The following ADGRE2 variants were observed in gnomAD, a reference collection of about 807,000 sequenced individuals.
The protein encoded by ADGRE2 is CD97 antigen.
A neutral mutation model predicts 100.8 loss-of-function variants in ADGRE2; 83 were observed. The ratio of observed to expected loss-of-function variants is 0.82; its 90% CI spans 0.69 to 0.99. The LOEUF (loss-of-function observed/expected upper bound fraction) is 0.99. Ranked by LOEUF, ADGRE2 falls within the 50% of genes least tolerant of loss-of-function variation. The probability of loss-of-function intolerance (pLI) is 0.00; values close to 1 mark genes in which losing one functional copy is unlikely to be tolerated. For synonymous variants in ADGRE2, 355 were observed against 413.0 expected (o/e 0.86, Z 1.70); for missense variants, 814 against 1,035.7 (o/e 0.79, Z 2.94).
intron 20 of ADGRE2, among the ~76,000 whole-genome samples, chr19:14,739,155 A>C (rs2042849510): frequency 6.6e-6 from 1 of 151,770 alleles, no homozygotes; most frequent in Non-Finnish European, 1.5e-5. Flanking sequence ...TTTTTAGTAG[A>C]GGTGGGGTCT....
At chr19:14,741,091 G>GTT (rs71333309) in intron 20 of ADGRE2, among the ~76,000 whole-genome samples, 5,804 of 116,550 alleles carry the variant, frequency 0.05, 656 homozygotes, top group African/African-American at 0.18. Flanking sequence ...TGAATAGGCT[G>GTT]TTTTTTTTTT....
intron 6 of ADGRE2, among the ~76,000 whole-genome samples, 171 bp downstream of exon 6, chr19:14,766,807 C>G (rs139370191): frequency 1.2e-4 from 18 of 152,340 alleles, no homozygotes; most frequent in African/African-American, 4.3e-4. Context: ...GCCTCCCTGC[C>G]GTGTGGCGAG....
Position 14,743,530 on chromosome 19 carries a change from C to T in ADGRE2, c.2353G>A (p.Val785Ile), listed in dbSNP as rs1367595735. ...GACCATTTCCCATATTGCTCCCGGA[C>T]CTGCAGAGGCAAAGTGTGTACTGGG... is the stretch of plus-strand genomic sequence containing the variant. ...FLVYCLLSQQ[V>I]REQYGKWSKG... The change falls in exon 20 of 21, where the codon GTC (valine) becomes ATC (isoleucine). Residue 785 changes from valine (V) to isoleucine (I), a missense_variant and splice_region_variant. Physicochemically the swap from Val to Ile is conservative, Grantham distance 29. This residue lies in a region of ADGRE2 where 569 missense variants were observed against 692.7 expected (regional missense o/e 0.82). Transcript: ENST00000315576. 51 of 1,613,984 alleles carry T rather than the reference C, an allele frequency of 3.2e-5. No homozygotes were observed. Among genetic ancestry groups the T allele is most frequent in the Non-Finnish European group, 4.3e-5 (51 of 1,179,868 alleles).
At position 14,746,274 on chromosome 19, in the gene ADGRE2, A is replaced by T; in HGVS notation, c.2141T>A (p.Leu714His). The change falls in exon 18 of 21, where the codon CTC becomes CAC. Residue 714 changes from leucine to histidine, a missense_variant. Physicochemically the swap from Leu to His is moderately conservative, Grantham distance 99 (BLOSUM62 -3). Around this residue, in one of 5 missense-constraint regions of ADGRE2, gnomAD observed 569 missense variants for 692.7 expected, o/e 0.82. Coordinates refer to ENST00000315576, the MANE Select transcript of ADGRE2 (RefSeq NM_013447.4). Reference sequence around the variant, plus strand: ...GGACACTTCACTATTGAGGGAGGAGAGTCTGTTTTTCAAAATCCAGAGAGT... The same window carrying T: ...GGACACTTCACTATTGAGGGAGGAGTGTCTGTTTTTCAAAATCCAGAGAGT... ...LVTLWILKNR[L>H]SSLNSEVSTL... 6.2e-7 allele frequency: 1 copy of T among 1,611,002 alleles called. No homozygotes were observed. The highest frequency in any genetic ancestry group is 8.5e-7 in the Non-Finnish European group (1 of 1,177,586).
intron 18 of ADGRE2, among the ~76,000 whole-genome samples, chr19:14,744,443 ATTATTT>A (rs1441736107): frequency 2.0e-5 from 3 of 151,884 alleles, no homozygotes; most frequent in African/African-American, 7.3e-5. Flanking sequence ...CTGTAGAGGA[ATTATTT>A]TTATTTTTAT....
chr19:14,767,817 C>T (rs1025506959), intron 5 of ADGRE2, among the ~76,000 whole-genome samples: 13 of 152,136 alleles, frequency 8.5e-5, no homozygotes, highest in Admixed American at 6.6e-4. Context: ...ACAGAGCCTT[C>T]CTGTGAATTG....
At chr19:14,775,419 T>C (rs1338094464) in intron 2 of ADGRE2, among the ~76,000 whole-genome samples, 1 of 152,098 alleles carries the variant, frequency 6.6e-6, no homozygotes, top group Non-Finnish European at 1.5e-5. Context: ...CCTCCCTAGC[T>C]TGGCTTGGGG....
At chr19:14,744,581 A>C (rs2043030214) in intron 18 of ADGRE2, among the ~76,000 whole-genome samples, 1 of 150,996 alleles carries the variant, frequency 6.6e-6, no homozygotes, top group Non-Finnish European at 1.5e-5. Context: ...CAGCCTCCTG[A>C]GTAGCTGGGA....
In ADGRE2 at chr19:14,736,044, A is replaced by G; in HGVS notation, c.*192T>C. 1 of 594,792 alleles carries G rather than the reference A, an allele frequency of 1.7e-6. No homozygotes were observed. Among genetic ancestry groups the G allele is most frequent in the Non-Finnish European group, 3.1e-6 (1 of 324,438 alleles). The allele number at this position is 594,792 out of a possible 1,614,324, so 36.8% of individuals were successfully genotyped here. A position where few individuals can be genotyped will look rare whatever the true frequency, so the allele number is the denominator to read the frequency against. ...GCTGAGAGTTTGATGAGCACATTGC[A>G]GGGCATGGAAGATTTCCGGTTTCTG... On this transcript the variant is annotated 3_prime_UTR_variant, in exon 21 of 21. Transcript: ENST00000315576.
In ADGRE2 at chr19:14,746,415, C is replaced by T. The variant is rs1413478820; in HGVS notation, c.2092-92G>A. The T allele has an allele frequency of 3.3e-5, 25 of 759,464 alleles. No individual in the cohort carries two copies. The South Asian group carries it at 4.0e-4, about 12-fold the overall frequency. 47.0% of individuals were successfully genotyped at this position (759,464 alleles called of 1,614,324 possible). A position where few individuals can be genotyped will look rare whatever the true frequency, so the allele number is the denominator to read the frequency against. ...TCAGACAGGGTCTTGCTCTGTTGCC[C>T]AGGCTGGAGTGTGGCGGTGCAATCT... is the stretch of plus-strand genomic sequence containing the variant. On this transcript the variant is annotated intron_variant, in intron 17 of 20. Coordinates refer to ENST00000315576, the MANE Select transcript of ADGRE2 (RefSeq NM_013447.4).
intron 18 of ADGRE2, among the ~76,000 whole-genome samples, chr19:14,744,343 C>T (rs76987033): frequency 0.098 from 14,845 of 152,170 alleles, 2,471 homozygotes; most frequent in African/African-American, 0.34. Flanking sequence ...AGGCATGACA[C>T]ACAAAATTTG....
intron 14 of ADGRE2, 54 bp from the exon 15 acceptor site, chr19:14,752,580 G>A (rs1473158215): frequency 1.9e-6 from 3 of 1,573,948 alleles, no homozygotes; most frequent in Non-Finnish European, 2.6e-6. Context: ...CTGGGGTAAT[G>A]ACCCCACCAC....
the ADGRE2 span, among the ~76,000 whole-genome samples, chr19:14,724,823 T>C: frequency 6.6e-6 from 1 of 152,344 alleles, no homozygotes; most frequent in East Asian, 1.9e-4. Context: ...ACTGTGCTGC[T>C]TGATTCTTAC....
In ADGRE2 at chr19:14,776,737, A is replaced by G. The variant is rs775629087; in HGVS notation, c.20T>C (p.Leu7Pro). ...CCCAAAGTACTTACCGAGAAAGACG[A>G]GAAAGACGCGGCCTCCCATGGTTCC... MGGRVFLVFLAFCVWLT... is the reference protein window; with the variant it reads MGGRVFPVFLAFCVWLT... Residue 7 changes from leucine (L) to proline (P), a missense_variant, in exon 2 of 21, where the codon CTC becomes CCC. Transcript: ENST00000315576. 3.7e-6 allele frequency: 6 copies of G among 1,613,466 alleles called. No homozygotes were observed. The East Asian group carries it at 6.7e-5, about 18-fold the overall frequency.
At position 14,772,810 on chromosome 19, in the gene ADGRE2, T is replaced by G. The variant is rs533810334; in HGVS notation, c.200-313A>C. Among the ~76,000 whole-genome samples the G allele has an allele frequency of 1.5e-4, 23 of 151,526 alleles. 1 individual carries two copies. In the South Asian group the frequency reaches 3.8e-3, roughly 25 times the overall value. ...TAAACCCCATGGCAGCCGGGTGCAG[T>G]GGCTCATACCTGTAATCCCAGCACT... On this transcript the variant is annotated intron_variant, in intron 4 of 20. Transcript: ENST00000315576.
At chr19:14,725,380 C>T in the ADGRE2 span, among the ~76,000 whole-genome samples, 1 of 152,106 alleles carries the variant, frequency 6.6e-6, no homozygotes, top group African/African-American at 2.4e-5. Flanking sequence ...TGCCCCTGCC[C>T]CTTAAATCTC....
chr19:14,748,683 C>A (rs1037032466), intron 16 of ADGRE2, among the ~76,000 whole-genome samples: 1 of 152,042 alleles, frequency 6.6e-6, no homozygotes, highest in Non-Finnish European at 1.5e-5. Flanking sequence ...TGGGTATATA[C>A]CTGGGTCATA....
chr19:14,724,735 C>T, the ADGRE2 span, among the ~76,000 whole-genome samples: 3 of 152,200 alleles, frequency 2.0e-5, no homozygotes, highest in East Asian at 5.8e-4. Context: ...CATTGCACTC[C>T]AGCCTGGGCA....
chr19:14,740,222 TTGTG>T (rs141784493), intron 20 of ADGRE2, among the ~76,000 whole-genome samples: 3 of 149,404 alleles, frequency 2.0e-5, no homozygotes, highest in East Asian at 2.0e-4. Flanking sequence ...TGACTTGGAT[TTGTG>T]TGTGTGTGTG....
Sources: gnomAD v4.1 joint callset for allele counts (sites outside exome capture counted in the v4.1 genomes callset) on GRCh38, gnomAD v4.1.1 for gene constraint, gnomAD v4.1.1 regional missense constraint, MANE v1.5 for transcripts, NCBI Gene and HGNC (gene_info 2026-07-23, HGNC 2026-07-21) for gene names.